The following IFITM10 variants were observed in gnomAD, a reference collection of about 807,000 sequenced individuals.
IFITM10 encodes interferon-induced transmembrane protein 10.
Under a neutral mutation model 19.0 loss-of-function variants are expected in IFITM10, and 17 were observed. The observed-to-expected ratio is 0.90, with a 90% confidence interval of 0.61 to 1.34. The LOEUF (loss-of-function observed/expected upper bound fraction) is 1.34, where lower values mean the gene tolerates loss of function less well. Among genes scored for constraint, IFITM10 ranks in the 40% most tolerant of loss-of-function variants. The pLI, the probability that IFITM10 is intolerant of heterozygous loss-of-function variation, is 0.00. For synonymous variants in IFITM10, 148 were observed against 147.2 expected, an observed-to-expected ratio of 1.01 and a Z score of -0.04; for missense variants, 306 against 319.8, an observed-to-expected ratio of 0.96 and a Z score of 0.33.
intron 1 of IFITM10, chr11:1,748,424 T>G: frequency 2.8e-6 from 1 of 356,988 alleles, no homozygotes; most frequent in East Asian, 4.1e-5. Context: ...ACGCTGAGAC[T>G]GACACTGTTG....
At chr11:1,740,380 A>G (rs1845550188) in intron 2 of IFITM10, among the ~76,000 whole-genome samples, 1 of 145,550 alleles carries the variant, frequency 6.9e-6, no homozygotes, top group Non-Finnish European at 1.5e-5. Flanking sequence ...GGGGAGGGTG[A>G]GGGTGGCTTG....
At chr11:1,746,023 A>T (rs1351425198) in intron 2 of IFITM10, 1 of 148,580 alleles carries the variant, frequency 6.7e-6, no homozygotes, top group African/African-American at 2.5e-5. Flanking sequence ...GTACACAGGC[A>T]CACCCCACAC....
At chr11:1,750,246 CA>C in intron 1 of IFITM10, 112 bp downstream of exon 1, 1 of 1,525,948 alleles carries the variant, frequency 6.6e-7, no homozygotes, top group Non-Finnish European at 8.9e-7. Flanking sequence ...CTTCCATCCC[CA>C]TAACAGTCCC....
At chr11:1,738,122 G>C (rs1295854153) in intron 2 of IFITM10, among the ~76,000 whole-genome samples, 1 of 152,146 alleles carries the variant, frequency 6.6e-6, no homozygotes, top group Non-Finnish European at 1.5e-5. Context: ...GTATGGGACA[G>C]AGAAATGGAT....
Position 1,747,774 on chromosome 11 carries a change from A to G in IFITM10, c.430T>C (p.Tyr144His). The part of the protein sequence containing the change: ...MTNPTTVIEV[Y>H]PDTTEVNDYY... ...TCGTTCACCTCGGTGGTGTCCGGGT[A>G]GACCTCGATGACGGTCGTGGGGTTG... Residue 144 changes from tyrosine (Y) to histidine (H), a missense_variant, in exon 2 of 3, where the codon TAC becomes CAC. Transcript: ENST00000340134. The G allele has an allele frequency of 2.6e-6, 4 of 1,551,776 alleles. No individual in the cohort carries two copies. The highest frequency in any genetic ancestry group is 3.5e-6 in the Non-Finnish European group (4 of 1,146,930).
At chr11:1,741,238 G>A (rs1845567420) in intron 2 of IFITM10, among the ~76,000 whole-genome samples, 1 of 152,042 alleles carries the variant, frequency 6.6e-6, no homozygotes, top group Non-Finnish European at 1.5e-5. Context: ...GAGCCCTGGA[G>A]CCCTGCAGTG....
chr11:1,746,663 C>A (rs1056931074), intron 2 of IFITM10: 1 of 398,504 alleles, frequency 2.5e-6, no homozygotes, highest in Non-Finnish European at 4.4e-6. Flanking sequence ...GGAGCAGAGG[C>A]GAAGCTGGCC....
chr11:1,745,067 C>G (rs963389248), intron 2 of IFITM10: 1 of 152,698 alleles, frequency 6.5e-6, no homozygotes, highest in Non-Finnish European at 1.5e-5. Flanking sequence ...CCCCGCCCAC[C>G]GCAGGAAGGA....
At chr11:1,747,545 G>T in intron 2 of IFITM10, 122 bp downstream of exon 2, 1 of 835,678 alleles carries the variant, frequency 1.2e-6, no homozygotes. Context: ...CCCCTCAACT[G>T]CACCTGTTCT....
rs1180937651 is a variant in IFITM10 at position 1,747,982 on chromosome 11, G to A, written c.222C>T (p.Phe74=). Residue 74 remains phenylalanine, a synonymous_variant, in exon 2 of 3, where the codon TTC becomes TTT. Coordinates refer to ENST00000340134, the MANE Select transcript of IFITM10 (RefSeq NM_001170820.4). ...GGGCAGGGGGCTTGGACACGCAAGC[G>A]AAGCAGCCCTTGGGCGAACCTGCCG... ...RPPAGSPKGC[F]ACVSKPPALQ... is the part of the protein sequence containing the mutation. 7.6e-6 allele frequency: 11 copies of A among 1,453,730 alleles called. No individual in the cohort carries two copies. Among genetic ancestry groups the A allele is most frequent in the South Asian group, 1.4e-5 (1 of 69,914 alleles). 90.1% of individuals were successfully genotyped at this position (1,453,730 alleles called of 1,614,324 possible). A position where few individuals can be genotyped will look rare whatever the true frequency, so the allele number is the denominator to read the frequency against.
chr11:1,738,040 G>C lies in IFITM10; in HGVS notation c.538-2611C>G, dbSNP rs140015602. Reference sequence around the variant, plus strand: ...AGCTAAAGAAGATAGGGAAGAGGAGGGTGGGGGAGTGATCTAATGATCGGG... The same window carrying C: ...AGCTAAAGAAGATAGGGAAGAGGAGCGTGGGGGAGTGATCTAATGATCGGG... On this transcript the variant is annotated intron_variant, in intron 2 of 2. Transcript: ENST00000340134. Among the ~76,000 whole-genome samples, 816 of 152,206 alleles carry C rather than the reference G, an allele frequency of 5.4e-3. 2 individuals carry two copies. The highest frequency in any genetic ancestry group is 0.031 in the Middle Eastern group (9 of 294).
chr11:1,743,871 C>T (rs1405137647), intron 2 of IFITM10, among the ~76,000 whole-genome samples: 1 of 152,198 alleles, frequency 6.6e-6, no homozygotes, highest in Non-Finnish European at 1.5e-5. Flanking sequence ...ATATCCTTCT[C>T]TTTCCATGGC....
intron 2 of IFITM10, among the ~76,000 whole-genome samples, chr11:1,736,714 A>G (rs1196591776): frequency 1.3e-5 from 2 of 150,754 alleles, no homozygotes; most frequent in Non-Finnish European, 3.0e-5. Context: ...GAATGGATGG[A>G]GTGGAGTGGG....
chr11:1,737,752 G>C (rs1346136968), intron 2 of IFITM10, among the ~76,000 whole-genome samples: 1 of 152,210 alleles, frequency 6.6e-6, no homozygotes, highest in Non-Finnish European at 1.5e-5. Flanking sequence ...AGAGGTCTAT[G>C]ATTGCGTTAG....
At chr11:1,743,828 C>G in intron 2 of IFITM10, among the ~76,000 whole-genome samples, 1 of 152,170 alleles carries the variant, frequency 6.6e-6, no homozygotes, top group East Asian at 1.9e-4. Context: ...GTCTCCTTCC[C>G]CTACACTGGT....
In IFITM10 at chr11:1,734,075, G is replaced by C. The variant is rs376600142; in HGVS notation, c.*1205C>G. The C allele has an allele frequency of 1.0e-4, 16 of 152,442 alleles. No individual in the cohort carries two copies. The highest frequency in any genetic ancestry group is 3.4e-4 in the African/African-American group (14 of 41,556). 9.4% of individuals were successfully genotyped at this position (152,442 alleles called of 1,614,324 possible). A position where few individuals can be genotyped will look rare whatever the true frequency, so the allele number is the denominator to read the frequency against. The stretch of plus-strand genomic sequence containing the variant: ...CAGACCAGCTGGGCACCCACAGCGC[G>C]AAGCTCCACACCCATGGCCACTGCC... On this transcript the variant is annotated 3_prime_UTR_variant, in exon 3 of 3. Transcript: ENST00000340134.
intron 1 of IFITM10, chr11:1,748,992 C>T (rs1279763328): frequency 3.9e-5 from 39 of 1,011,646 alleles, no homozygotes; most frequent in Non-Finnish European, 4.7e-5. Context: ...TCTGCCGCAG[C>T]CCCCCGGACG....
At chr11:1,741,806 T>TA (rs1405756250) in intron 2 of IFITM10, among the ~76,000 whole-genome samples, 1 of 152,168 alleles carries the variant, frequency 6.6e-6, no homozygotes, top group African/African-American at 2.4e-5. Flanking sequence ...ATGGAAATCC[T>TA]AACCCCTAAA....
rs1565010340 is a variant in IFITM10 at position 1,735,382 on chromosome 11, ATCC to A, written c.582_584del (p.Glu194del). The A allele has an allele frequency of 6.4e-7, 1 of 1,551,726 alleles. No individual in the cohort carries two copies. Among genetic ancestry groups the A allele is most frequent in the Admixed American group, 2.0e-5 (1 of 51,002 alleles). ...TGTTGAACAGCCGGGCCGTCTTTGCATCCTCCACGGCTCCATTCAGGTCATTGA... is the reference window on the plus strand; with the variant it reads ...TGTTGAACAGCCGGGCCGTCTTTGCATCCACGGCTCCATTCAGGTCATTGA... On this transcript the variant is annotated inframe_deletion, in exon 3 of 3. Coordinates refer to ENST00000340134, the MANE Select transcript of IFITM10 (RefSeq NM_001170820.4).
Sources: allele counts gnomAD v4.1 joint callset (sites outside exome capture counted in the v4.1 genomes callset), GRCh38; gene constraint gnomAD v4.1.1; transcripts MANE v1.5; gene names NCBI Gene and HGNC (gene_info 2026-07-23, HGNC 2026-07-21).